DOCK2: variants seen among roughly 807,000 people sequenced by gnomAD.
The protein encoded by DOCK2 is dedicator of cytokinesis protein 2.
A neutral mutation model predicts 248.9 loss-of-function variants in DOCK2; 87 were observed. The observed-to-expected ratio is 0.35, with a 90% CI of 0.29 to 0.42. The LOEUF (loss-of-function observed/expected upper bound fraction) is 0.42, where lower values mean the gene tolerates loss of function less well. Ranked by LOEUF, DOCK2 falls within the 10% of genes least tolerant of loss-of-function variation. The pLI, the probability that DOCK2 is intolerant of heterozygous loss-of-function variation, is 1.00. For synonymous variants in DOCK2, 805 were observed against 821.6 expected, an observed-to-expected ratio of 0.98 and a Z score of 0.35; for missense variants, 1,747 against 2,300.2, an observed-to-expected ratio of 0.76 and a Z score of 4.92.
At chr5:169,866,199 G>A (rs995810598) in intron 27 of DOCK2, among the ~76,000 whole-genome samples, 1 of 152,210 alleles carries the variant, frequency 6.6e-6, no homozygotes, top group African/African-American at 2.4e-5. Context: ...ATCCAGGCTT[G>A]CTTCTCCTCC....
chr5:169,811,123 T>G (rs1767725948), intron 26 of DOCK2, among the ~76,000 whole-genome samples: 1 of 152,090 alleles, frequency 6.6e-6, no homozygotes. Context: ...GACTGCGGCA[T>G]GAGCATGAAT....
chr5:169,788,859 G>C (rs2113048074), intron 25 of DOCK2, among the ~76,000 whole-genome samples: 1 of 152,234 alleles, frequency 6.6e-6, no homozygotes, highest in East Asian at 1.9e-4. Flanking sequence ...TTTATTTGAA[G>C]TTCAGGGGTC....
intron 2 of DOCK2, among the ~76,000 whole-genome samples, chr5:169,666,118 G>T (rs1377198579): frequency 6.6e-6 from 1 of 152,172 alleles, no homozygotes; most frequent in Non-Finnish European, 1.5e-5. Flanking sequence ...GGCACCAGCA[G>T]ATCTGGTTTC....
intron 33 of DOCK2, 127 bp downstream of exon 33, chr5:170,019,235 T>C: frequency 7.0e-7 from 1 of 1,429,466 alleles, no homozygotes. Context: ...GGACATTTAT[T>C]CATGGGTCCG....
chr5:169,854,666 C>T (rs151239783), intron 27 of DOCK2, among the ~76,000 whole-genome samples: 103 of 152,340 alleles, frequency 6.8e-4, no homozygotes, highest in African/African-American at 2.4e-3. Flanking sequence ...TCTCTCTTCC[C>T]CTGGACTGCT....
chr5:169,983,838 G>A (rs72828620), intron 28 of DOCK2, among the ~76,000 whole-genome samples: 2,189 of 152,268 alleles, frequency 0.014, 23 homozygotes, highest in Non-Finnish European at 0.021. Context: ...CAACCTCAGA[G>A]AGTGGCCCAT....
intron 45 of DOCK2, 77 bp downstream of exon 45, chr5:170,067,763 A>G (rs1757545163): frequency 2.7e-6 from 4 of 1,503,514 alleles, no homozygotes; most frequent in Non-Finnish European, 9.1e-7. Context: ...GGGCAGATGC[A>G]GGTACATGTC....
chr5:169,941,113 G>A (rs943870411), intron 27 of DOCK2, among the ~76,000 whole-genome samples: 9 of 152,146 alleles, frequency 5.9e-5, no homozygotes, highest in Non-Finnish European at 7.4e-5. Context: ...CTGAAGCCGC[G>A]CCCCGAAGGG....
At chr5:169,774,721 G>A (rs998395762) in intron 25 of DOCK2, among the ~76,000 whole-genome samples, 3 of 152,150 alleles carry the variant, frequency 2.0e-5, no homozygotes, top group Non-Finnish European at 2.9e-5. Context: ...ATTCCTTTCC[G>A]AGTAGATAGT....
intron 49 of DOCK2, chr5:170,079,848 G>A (rs1163028337): frequency 1.3e-5 from 3 of 228,314 alleles, no homozygotes; most frequent in Non-Finnish European, 2.6e-5. Flanking sequence ...TTCCCAGTGG[G>A]CCTCGCAGGC....
chr5:169,901,591 C>T (rs1303654277), intron 27 of DOCK2, among the ~76,000 whole-genome samples: 1 of 152,082 alleles, frequency 6.6e-6, no homozygotes, highest in East Asian at 1.9e-4. Context: ...CCAGGTAACA[C>T]ATGATGATGG....
chr5:169,850,791 C>T (rs568802806), intron 27 of DOCK2, among the ~76,000 whole-genome samples: 16 of 152,234 alleles, frequency 1.1e-4, no homozygotes, highest in African/African-American at 1.7e-4. Context: ...CATGTCTGGA[C>T]GGAAGTCATT....
At chr5:169,692,237 G>C (rs1307847018) in intron 9 of DOCK2, among the ~76,000 whole-genome samples, 1 of 152,164 alleles carries the variant, frequency 6.6e-6, no homozygotes, top group African/African-American at 2.4e-5. Context: ...CTAAGATTTA[G>C]CCCAGTTTTG....
At chr5:169,749,980 A>T (rs976710084) in intron 23 of DOCK2, among the ~76,000 whole-genome samples, 7 of 152,194 alleles carry the variant, frequency 4.6e-5, no homozygotes, top group Non-Finnish European at 8.8e-5. Context: ...GTAGCCACAC[A>T]GTGTTGGGAT....
chr5:170,013,966 A>G (rs2113815911), intron 32 of DOCK2, among the ~76,000 whole-genome samples: 1 of 152,230 alleles, frequency 6.6e-6, no homozygotes, highest in East Asian at 1.9e-4. Context: ...TAGCTGTAGA[A>G]TGGAAACTTG....
At chr5:170,033,247 G>A (rs1756207011) in intron 34 of DOCK2, among the ~76,000 whole-genome samples, 1 of 152,130 alleles carries the variant, frequency 6.6e-6, no homozygotes, top group African/African-American at 2.4e-5. Context: ...AGTAGGTGTG[G>A]TTCTTTTCTA....
chr5:170,047,682 A>G (rs1303559322), intron 40 of DOCK2, 68 bp downstream of exon 40: 4 of 1,430,854 alleles, frequency 2.8e-6, no homozygotes, highest in Middle Eastern at 1.8e-4. Flanking sequence ...CGGTCCTTCT[A>G]TGCTTTGAGG....
intron 27 of DOCK2, among the ~76,000 whole-genome samples, chr5:169,912,801 T>C (rs909873408): frequency 6.6e-6 from 1 of 152,140 alleles, no homozygotes; most frequent in Admixed American, 6.5e-5. Context: ...AGCAGCAGTA[T>C]AACCAGAGTG....
chr5:170,069,236 C>T lies in DOCK2; in HGVS notation c.4728+16C>T. On this transcript the variant is annotated intron_variant, in intron 46 of 51. Transcript: ENST00000520908. ...TGCATGGCAGGTGAGGCAGCGCTGG[C>T]CAGGGGAGCATGCTGCTCTCCTTCC... 6.2e-7 allele frequency: 1 copy of T among 1,612,542 alleles called. No homozygotes were observed. The highest frequency in any genetic ancestry group is 1.7e-5 in the Admixed American group (1 of 59,898).
Sources: allele counts gnomAD v4.1 joint callset (sites outside exome capture counted in the v4.1 genomes callset), GRCh38; gene constraint gnomAD v4.1.1; transcripts MANE v1.5; gene names NCBI Gene and HGNC (gene_info 2026-07-23, HGNC 2026-07-21).